Variants in MTUS2 observed in about 807,000 individuals in gnomAD.
MTUS2 encodes microtubule associated scaffold protein 2.
Under a neutral mutation model 114.1 loss-of-function variants are expected in MTUS2, and 40 were observed. The ratio of observed to expected loss-of-function variants is 0.35; its 90% CI spans 0.27 to 0.46. MTUS2 has a LOEUF of 0.46. MTUS2 is among the 20% of genes least tolerant of loss of function. The pLI is 1.00. For missense variants in MTUS2, 1,679 were observed against 1,705.4 expected (o/e 0.98, Z 0.27); for synonymous variants, 688 against 672.0 (o/e 1.02, Z -0.37).
At chr13:29,394,839 G>A (rs754891962) in intron 8 of MTUS2, among the ~76,000 whole-genome samples, 1 of 152,182 alleles carries the variant, frequency 6.6e-6, no homozygotes, top group Non-Finnish European at 1.5e-5. Flanking sequence ...AACGGTGCAT[G>A]TGAGGGATCT....
In MTUS2 at chr13:29,369,033, C is replaced by T. The variant is rs548885236; in HGVS notation, c.3117+9560C>T. ...CCTCTCAGAAGCCAAACGGAGGGGG[C>T]ATCTCTGACAGGTGAGAGTGATTTA... On this transcript the variant is annotated intron_variant, in intron 8 of 15. Transcript: ENST00000612955. 1.3e-4 allele frequency among the ~76,000 whole-genome samples: 20 copies of T among 152,124 alleles called. No individual in the cohort carries two copies. The South Asian group carries it at 4.2e-3, about 32-fold the overall frequency.
chr13:28,925,444 C>T (rs1881273477), intron 2 of MTUS2, among the ~76,000 whole-genome samples: 1 of 152,224 alleles, frequency 6.6e-6, no homozygotes, highest in Non-Finnish European at 1.5e-5. Flanking sequence ...ACTTGATTAT[C>T]CTTTATGAAG....
At chr13:29,027,465 C>T (rs1199457405) in intron 3 of MTUS2, among the ~76,000 whole-genome samples, 3 of 152,168 alleles carry the variant, frequency 2.0e-5, no homozygotes, top group Admixed American at 6.5e-5. Flanking sequence ...TATAATACAG[C>T]GTTTGATCTT....
At chr13:29,355,051 G>A (rs780720926) in intron 7 of MTUS2, among the ~76,000 whole-genome samples, 47 of 152,216 alleles carry the variant, frequency 3.1e-4, no homozygotes, top group Non-Finnish European at 6.2e-4. Flanking sequence ...TGAGGTTCCC[G>A]TGCTGCACTA....
chr13:28,958,555 A>T (rs1052787481), intron 2 of MTUS2, among the ~76,000 whole-genome samples: 1 of 152,238 alleles, frequency 6.6e-6, no homozygotes, highest in Non-Finnish European at 1.5e-5. Flanking sequence ...AAAAGATTTG[A>T]CTGTCTGGTG....
intron 2 of MTUS2, among the ~76,000 whole-genome samples, chr13:28,953,074 A>G (rs1882887176): frequency 6.6e-6 from 1 of 151,814 alleles, no homozygotes; most frequent in Non-Finnish European, 1.5e-5. Context: ...GCTAATCTTT[A>G]TGATTTTTGC....
At chr13:28,828,513 A>T (rs544628393) in intron 1 of MTUS2, among the ~76,000 whole-genome samples, 1 of 152,368 alleles carries the variant, frequency 6.6e-6, no homozygotes. Context: ...CAGAGATTGC[A>T]GTAAAGACAG....
chr13:29,179,263 C>G (rs1352019744), intron 5 of MTUS2, among the ~76,000 whole-genome samples: 1 of 152,132 alleles, frequency 6.6e-6, no homozygotes, highest in Non-Finnish European at 1.5e-5. Flanking sequence ...TGATTATCTT[C>G]CAAAAAATAT....
intron 5 of MTUS2, among the ~76,000 whole-genome samples, chr13:29,263,353 T>C (rs1897546999): frequency 6.6e-6 from 1 of 152,178 alleles, no homozygotes; most frequent in South Asian, 2.1e-4. Context: ...GAATTCTTTA[T>C]TGGGCTCCTG....
intron 2 of MTUS2, among the ~76,000 whole-genome samples, chr13:28,904,812 G>T (rs938969091): frequency 6.6e-6 from 1 of 152,056 alleles, no homozygotes; most frequent in East Asian, 1.9e-4. Context: ...TAGCTTGATG[G>T]GGATGGCATT....
At chr13:28,893,569 A>G (rs778256919) in intron 2 of MTUS2, among the ~76,000 whole-genome samples, 31 of 152,180 alleles carry the variant, frequency 2.0e-4, no homozygotes, top group Non-Finnish European at 4.0e-4. Context: ...TGGGATTGGA[A>G]TGTCTAGTAA....
At chr13:29,367,667 G>T (rs1281800399) in intron 8 of MTUS2, among the ~76,000 whole-genome samples, 1 of 152,130 alleles carries the variant, frequency 6.6e-6, no homozygotes, top group Non-Finnish European at 1.5e-5. Context: ...CTGTGAACCT[G>T]ACAACTAAGT....
At chr13:29,097,001 T>C (rs973782304) in intron 4 of MTUS2, among the ~76,000 whole-genome samples, 1 of 152,164 alleles carries the variant, frequency 6.6e-6, no homozygotes, top group Non-Finnish European at 1.5e-5. Context: ...GACCACTCTC[T>C]CATGTAATTC....
At chr13:29,034,403 T>C (rs1454695846) in intron 4 of MTUS2, among the ~76,000 whole-genome samples, 1 of 152,114 alleles carries the variant, frequency 6.6e-6, no homozygotes, top group Non-Finnish European at 1.5e-5. Flanking sequence ...GGCTCAGAAG[T>C]TGTTTTCTGT....
intron 11 of MTUS2, among the ~76,000 whole-genome samples, chr13:29,488,947 T>G (rs747413965): frequency 2.3e-4 from 35 of 152,246 alleles, no homozygotes; most frequent in Non-Finnish European, 3.1e-4. Flanking sequence ...ATTTTTCAAC[T>G]TTCTCTCGCT....
At chr13:29,127,795 T>C (rs1426143102) in intron 5 of MTUS2, among the ~76,000 whole-genome samples, 1 of 152,258 alleles carries the variant, frequency 6.6e-6, no homozygotes, top group Non-Finnish European at 1.5e-5. Context: ...CATTTCTCCA[T>C]GTGCTTGTCC....
intron 1 of MTUS2, among the ~76,000 whole-genome samples, chr13:28,821,864 A>G (rs958868138): frequency 5.9e-5 from 9 of 151,506 alleles, no homozygotes; most frequent in African/African-American, 2.2e-4. Context: ...GAATTACAGC[A>G]TGTAGACTTT....
At chr13:29,428,764 G>A in intron 8 of MTUS2, 2 of 1,605,370 alleles carry the variant, frequency 1.2e-6, no homozygotes, top group Non-Finnish European at 1.7e-6. Flanking sequence ...CCCCTTTCGT[G>A]TGTGCCGGTA....
intron 7 of MTUS2, among the ~76,000 whole-genome samples, chr13:29,340,964 G>A (rs1293134211): frequency 1.3e-5 from 2 of 152,170 alleles, no homozygotes; most frequent in Non-Finnish European, 2.9e-5. Context: ...CTAGGTTGCT[G>A]TGAATGCCAT....
Sources: gnomAD v4.1 joint callset for allele counts (sites outside exome capture counted in the v4.1 genomes callset) on GRCh38, gnomAD v4.1.1 for gene constraint, MANE v1.5 for transcripts, NCBI Gene and HGNC (gene_info 2026-07-23, HGNC 2026-07-21) for gene names.